Variants in CAMK4 observed in about 807,000 individuals in gnomAD.
CAMK4 encodes calcium/calmodulin dependent protein kinase IV.
Under a neutral mutation model 44.9 loss-of-function variants are expected in CAMK4, and 22 were observed. That is an observed-to-expected ratio of 0.49 (90% CI 0.35 to 0.70). The LOEUF is 0.70. CAMK4 is among the 30% of genes least tolerant of loss of function. The pLI is 0.01. For missense variants in CAMK4, 498 were observed against 586.8 expected (o/e 0.85, Z 1.56); for synonymous variants, 218 against 215.4 (o/e 1.01, Z -0.11).
chr5:111,298,374 C>CT (rs1290096356), intron 1 of CAMK4, among the ~76,000 whole-genome samples: 3 of 152,164 alleles, frequency 2.0e-5, no homozygotes, highest in Non-Finnish European at 2.9e-5. Flanking sequence ...TTGCAAAGCT[C>CT]TAAGAATAGC....
At chr5:111,329,768 A>G (rs1486564748) in intron 1 of CAMK4, among the ~76,000 whole-genome samples, 1 of 151,770 alleles carries the variant, frequency 6.6e-6, no homozygotes, top group Non-Finnish European at 1.5e-5. Context: ...GTATTTGACA[A>G]CATTCACTGT....
chr5:111,242,493 C>G (rs1749047940), intron 1 of CAMK4, among the ~76,000 whole-genome samples: 1 of 152,150 alleles, frequency 6.6e-6, no homozygotes, highest in Non-Finnish European at 1.5e-5. Flanking sequence ...ATTTGGAACT[C>G]TTTCCTAGGT....
chr5:111,340,037 A>G (rs1044902473), intron 1 of CAMK4, among the ~76,000 whole-genome samples: 1 of 151,192 alleles, frequency 6.6e-6, no homozygotes, highest in Admixed American at 6.6e-5. Context: ...TTATCAGTAT[A>G]GAGAAACCCA....
intron 5 of CAMK4, among the ~76,000 whole-genome samples, chr5:111,429,524 T>C (rs2112935392): frequency 6.6e-6 from 1 of 152,106 alleles, no homozygotes; most frequent in East Asian, 1.9e-4. Context: ...CCCAGTACTT[T>C]GAGAGGCCCA....
At chr5:111,269,349 A>C (rs1750401156) in intron 1 of CAMK4, among the ~76,000 whole-genome samples, 1 of 152,154 alleles carries the variant, frequency 6.6e-6, no homozygotes, top group Non-Finnish European at 1.5e-5. Flanking sequence ...TTCCAAATGA[A>C]TATTCAGTCT....
intron 5 of CAMK4, among the ~76,000 whole-genome samples, chr5:111,395,450 G>A (rs1751972211): frequency 6.8e-6 from 1 of 147,606 alleles, no homozygotes; most frequent in South Asian, 2.1e-4. Flanking sequence ...TTTGTTCATT[G>A]CTTTTTTTTT....
At chr5:111,397,692 T>TG (rs60087560) in intron 5 of CAMK4, among the ~76,000 whole-genome samples, 27,188 of 75,510 alleles carry the variant, frequency 0.36, 2,906 homozygotes, top group South Asian at 0.44. Flanking sequence ...TGTGTGTGTG[T>TG]TTGCAGTTTA....
At chr5:111,440,197 TAA>T (rs1753776785) in intron 5 of CAMK4, among the ~76,000 whole-genome samples, 1 of 151,440 alleles carries the variant, frequency 6.6e-6, no homozygotes, top group Admixed American at 6.6e-5. Context: ...GAGGAAGAGG[TAA>T]AGAGAAGGCA....
At chr5:111,258,740 C>T (rs904975694) in intron 1 of CAMK4, among the ~76,000 whole-genome samples, 6 of 139,332 alleles carry the variant, frequency 4.3e-5, no homozygotes, top group East Asian at 2.1e-4. Flanking sequence ...GAGTTATCAG[C>T]GTGTGTGTGT....
At chr5:111,243,532 A>G (rs1489377397) in intron 1 of CAMK4, among the ~76,000 whole-genome samples, 1 of 152,196 alleles carries the variant, frequency 6.6e-6, no homozygotes, top group African/African-American at 2.4e-5. Flanking sequence ...AGGGTAGACT[A>G]AAAAAATGTT....
intron 5 of CAMK4, among the ~76,000 whole-genome samples, chr5:111,408,761 G>A (rs1461663507): frequency 2.0e-5 from 3 of 152,172 alleles, no homozygotes; most frequent in Non-Finnish European, 2.9e-5. Context: ...AGATACAGTG[G>A]GGGTATAGGC....
At chr5:111,475,451 A>G (rs1200549111) in intron 8 of CAMK4, among the ~76,000 whole-genome samples, 1 of 152,248 alleles carries the variant, frequency 6.6e-6, no homozygotes, top group Non-Finnish European at 1.5e-5. Flanking sequence ...TATCACTGAC[A>G]TGGGAAAATG....
chr5:111,298,137 G>T (rs1747568132), intron 1 of CAMK4, among the ~76,000 whole-genome samples: 1 of 152,050 alleles, frequency 6.6e-6, no homozygotes, highest in African/African-American at 2.4e-5. Context: ...TTGAGCAATG[G>T]TATTTATTTC....
chr5:111,329,264 C>G (rs1749046340), intron 1 of CAMK4, among the ~76,000 whole-genome samples: 1 of 151,836 alleles, frequency 6.6e-6, no homozygotes, highest in Admixed American at 6.6e-5. Flanking sequence ...AACCCACAGC[C>G]AATATCATAC....
intron 1 of CAMK4, among the ~76,000 whole-genome samples, chr5:111,335,893 G>C (rs1749380838): frequency 6.6e-6 from 1 of 151,254 alleles, no homozygotes; most frequent in African/African-American, 2.4e-5. Context: ...TTACAGGTTT[G>C]ACAACTCTCT....
chr5:111,387,234 G>A (rs368626740), intron 4 of CAMK4, among the ~76,000 whole-genome samples: 25 of 151,962 alleles, frequency 1.6e-4, no homozygotes, highest in South Asian at 1.0e-3. Flanking sequence ...TAAATATTTC[G>A]TTGCTTCTAA....
chr5:111,400,265 A>T (rs1752176124), intron 5 of CAMK4, among the ~76,000 whole-genome samples: 1 of 152,236 alleles, frequency 6.6e-6, no homozygotes, highest in South Asian at 2.1e-4. Context: ...AAAAAAATTA[A>T]TTTCCCTAAG....
chr5:111,491,577 C>A lies in CAMK4; in HGVS notation c.*7111C>A, dbSNP rs1755836045. The A allele has an allele frequency of 6.6e-6, 1 of 151,968 alleles. No individual in the cohort carries two copies. The highest frequency in any genetic ancestry group is 1.5e-5 in the Non-Finnish European group (1 of 67,978). 9.4% of individuals were successfully genotyped at this position (151,968 alleles called of 1,614,324 possible). On this transcript the variant is annotated 3_prime_UTR_variant, in exon 11 of 11. Coordinates refer to ENST00000282356, the MANE Select transcript of CAMK4 (RefSeq NM_001744.6). The stretch of plus-strand genomic sequence containing the variant: ...AACTTAGTGAAATTTTCCTACAGAA[C>A]TAAAAACGCAAAATTGCATCACTCC...
chr5:111,471,160 T>C (rs1420979638), intron 7 of CAMK4, among the ~76,000 whole-genome samples: 1 of 152,212 alleles, frequency 6.6e-6, no homozygotes, highest in African/African-American at 2.4e-5. Context: ...CATTGAAAGC[T>C]CTATTTTTGT....
Sources: gnomAD v4.1 joint callset for allele counts (sites outside exome capture counted in the v4.1 genomes callset) on GRCh38, gnomAD v4.1.1 for gene constraint, MANE v1.5 for transcripts, NCBI Gene and HGNC (gene_info 2026-07-23, HGNC 2026-07-21) for gene names.